MME: variants seen among roughly 807,000 people sequenced by gnomAD.
MME encodes the protein neprilysin.
Under a neutral mutation model 113.2 loss-of-function variants are expected in MME, and 98 were observed. The ratio of observed to expected loss-of-function variants is 0.87; its 90% confidence interval spans 0.74 to 1.02. The LOEUF (loss-of-function observed/expected upper bound fraction) is 1.02, where lower values mean the gene tolerates loss of function less well. MME is among the 50% of genes least tolerant of loss of function. The pLI is 0.00. For missense variants in MME, 836 were observed against 896.0 expected (o/e 0.93, Z 0.86); for synonymous variants, 292 against 300.6 (o/e 0.97, Z 0.30).
At chr3:155,178,691 T>C (rs1712796638) in intron 22 of MME, among the ~76,000 whole-genome samples, 1 of 152,174 alleles carries the variant, frequency 6.6e-6, no homozygotes, top group Admixed American at 6.6e-5. Flanking sequence ...AACTCCTTGA[T>C]ATAAATGGTG....
chr3:155,152,649 TG>T (rs897652013), intron 16 of MME, among the ~76,000 whole-genome samples: 77 of 152,098 alleles, frequency 5.1e-4, no homozygotes, highest in Admixed American at 1.3e-4. Context: ...GAGACCAGCC[TG>T]GGCAACATGG....
rs74939648 is a variant in MME, at chr3:155,136,205, G to A, written c.721-1897G>A. The stretch of plus-strand genomic sequence containing the variant: ...CTGAATAGGAGTGGGGAGAATGGAC[G>A]TCTTTGTCGTGTTTCTGTTCTCAAG... On this transcript the variant is annotated intron_variant, in intron 8 of 22. Transcript: ENST00000360490. 1.7e-4 allele frequency among the ~76,000 whole-genome samples: 26 copies of A among 152,186 alleles called. No homozygotes were observed. In the East Asian group the frequency reaches 4.4e-3, roughly 26 times the overall value.
chr3:155,099,494 T>C (rs932309567), intron 3 of MME, among the ~76,000 whole-genome samples: 3 of 152,146 alleles, frequency 2.0e-5, no homozygotes, highest in East Asian at 3.9e-4. Context: ...CTAGACTAGA[T>C]GATTGCGAAG....
At chr3:155,171,714 G>T (rs1235716676) in intron 20 of MME, among the ~76,000 whole-genome samples, 3 of 152,106 alleles carry the variant, frequency 2.0e-5, no homozygotes, top group African/African-American at 7.2e-5. Context: ...AGTCTATTTT[G>T]CTAAGATAGT....
At chr3:155,102,583 C>T (rs1431803773) in intron 3 of MME, among the ~76,000 whole-genome samples, 1 of 152,158 alleles carries the variant, frequency 6.6e-6, no homozygotes, top group Admixed American at 6.5e-5. Flanking sequence ...GTCAACTTGG[C>T]AGGGCATGTG....
chr3:155,104,161 A>G (rs1260992873), intron 3 of MME, among the ~76,000 whole-genome samples: 1 of 152,294 alleles, frequency 6.6e-6, no homozygotes, highest in African/African-American at 2.4e-5. Flanking sequence ...TCTGTTTATC[A>G]CACCATGGTA....
At chr3:155,172,396 A>G (rs1226400430) in intron 21 of MME, 140 bp from the exon 22 acceptor site, 3 of 826,706 alleles carry the variant, frequency 3.6e-6, no homozygotes, top group Admixed American at 1.9e-5. Flanking sequence ...GTTGCCTTTC[A>G]TTGAACATTA....
At chr3:155,134,772 C>A (rs953594463) in intron 8 of MME, among the ~76,000 whole-genome samples, 4 of 152,092 alleles carry the variant, frequency 2.6e-5, no homozygotes, top group South Asian at 2.1e-4. Context: ...TAAGTGTTCC[C>A]TTTTCTCTGT....
chr3:155,137,681 A>G (rs1720738079), intron 8 of MME, among the ~76,000 whole-genome samples: 1 of 152,196 alleles, frequency 6.6e-6, no homozygotes, highest in Admixed American at 6.6e-5. Flanking sequence ...ACTCCAGCCC[A>G]GGCGACAGTG....
chr3:155,106,337 C>T (rs1717683216), intron 3 of MME, among the ~76,000 whole-genome samples: 2 of 152,172 alleles, frequency 1.3e-5, no homozygotes, highest in African/African-American at 4.8e-5. Flanking sequence ...AGTTTACACT[C>T]AGCATCTGGT....
chr3:155,146,845 G>C (rs1018650126), intron 14 of MME, among the ~76,000 whole-genome samples: 27 of 152,030 alleles, frequency 1.8e-4, no homozygotes, highest in African/African-American at 6.5e-4. Context: ...GAGAGAAAAA[G>C]TTCATAAAAG....
chr3:155,088,209 C>A (rs1006371463), intron 3 of MME, among the ~76,000 whole-genome samples: 1 of 141,320 alleles, frequency 7.1e-6, no homozygotes, highest in Non-Finnish European at 1.6e-5. Context: ...CACACTCGTG[C>A]GCGCACACAC....
At chr3:155,056,892 T>C (rs546567513) in intron 1 of MME, among the ~76,000 whole-genome samples, 58 of 152,280 alleles carry the variant, frequency 3.8e-4, no homozygotes, top group Admixed American at 6.5e-4. Flanking sequence ...TGGCTAGCCA[T>C]ATGTAGAAAG....
chr3:155,086,708 A>G (rs1024064873), intron 3 of MME, among the ~76,000 whole-genome samples: 17 of 152,214 alleles, frequency 1.1e-4, no homozygotes, highest in African/African-American at 3.9e-4. Context: ...CTTTAACAAG[A>G]GATTCTAAAC....
At chr3:155,045,664 G>A (rs1038788247) in intron 1 of MME, among the ~76,000 whole-genome samples, 2 of 151,552 alleles carry the variant, frequency 1.3e-5, no homozygotes, top group African/African-American at 4.9e-5. Context: ...ACCTGAGAGT[G>A]TCAATTTTGT....
At chr3:155,110,693 T>C (rs1718123751) in intron 3 of MME, among the ~76,000 whole-genome samples, 1 of 152,222 alleles carries the variant, frequency 6.6e-6, no homozygotes, top group South Asian at 2.1e-4. Context: ...AAATAACTTT[T>C]TTCCCTTACT....
intron 1 of MME, among the ~76,000 whole-genome samples, chr3:155,062,004 T>A (rs916695541): frequency 6.6e-6 from 1 of 152,172 alleles, no homozygotes; most frequent in Non-Finnish European, 1.5e-5. Flanking sequence ...TAGGTACATA[T>A]CATATTATTT....
At chr3:155,157,657 T>C (rs1722414752) in intron 16 of MME, among the ~76,000 whole-genome samples, 1 of 152,166 alleles carries the variant, frequency 6.6e-6, no homozygotes, top group South Asian at 2.1e-4. Context: ...TTATTTAAGA[T>C]GTAATGATCT....
chr3:155,123,042 C>T (rs199741175), intron 8 of MME, among the ~76,000 whole-genome samples: 4 of 42,266 alleles, frequency 9.5e-5, no homozygotes, highest in African/African-American at 3.3e-4. Flanking sequence ...ATTATTAATG[C>T]GTGGGAGTCT....
Sources: gnomAD v4.1 joint callset for allele counts (sites outside exome capture counted in the v4.1 genomes callset) on GRCh38, gnomAD v4.1.1 for gene constraint, MANE v1.5 for transcripts, NCBI Gene and HGNC (gene_info 2026-07-23, HGNC 2026-07-21) for gene names.